Variants in MKS1 observed in about 807,000 individuals in gnomAD.
MKS1 encodes MKS transition zone complex subunit 1.
In MKS1, 70 loss-of-function variants were observed where a neutral mutation model predicts 83.7. That is an observed-to-expected ratio of 0.84 (90% CI 0.69 to 1.02). The LOEUF (loss-of-function observed/expected upper bound fraction) is 1.02. MKS1 is among the 50% of genes least tolerant of loss of function. MKS1 has a pLI of 0.00. For missense variants in MKS1, 681 were observed against 726.9 expected (o/e 0.94, Z 0.73); for synonymous variants, 251 against 273.4 (o/e 0.92, Z 0.81).
At chr17:58,212,558 G>C in intron 8 of MKS1, 124 bp from the exon 9 acceptor site, 1 of 1,013,674 alleles carries the variant, frequency 9.9e-7, no homozygotes, top group Admixed American at 1.9e-5. Context: ...GTAAGCACCT[G>C]ACTCACCGCC....
chr17:58,208,261 GA>G, intron 12 of MKS1, 87 bp from the exon 13 acceptor site: 1 of 1,282,074 alleles, frequency 7.8e-7, no homozygotes, highest in South Asian at 1.2e-5. Flanking sequence ...CTTCACAAGG[GA>G]AAAAGAAAAA....
At position 58,214,774 on chromosome 17, in the gene MKS1, T is replaced by A; in HGVS notation, c.482A>T (p.Asn161Ile). The A allele has an allele frequency of 6.2e-7, 1 of 1,607,350 alleles. No homozygotes were observed. Among genetic ancestry groups the A allele is most frequent in the South Asian group, 1.1e-5 (1 of 91,010 alleles). Residue 161 changes from asparagine to isoleucine, a missense_variant, in exon 5 of 18, where the codon AAT becomes ATT. Asn to Ile is a moderately radical substitution (Grantham distance 149). This residue lies in a region of MKS1 where 365 missense variants were observed against 383.8 expected (regional missense o/e 0.95). Transcript: ENST00000393119. The stretch of plus-strand genomic sequence containing the variant: ...CCTGTCCTGCCGGCGACGCCTGACA[T>A]TTGCCATTCGCTCGACCAAGAATGA... ...VPSFLVERMA[N>I]VRRRRQDRRG...
At chr17:58,210,461 G>A (rs1049894448) in intron 11 of MKS1, among the ~76,000 whole-genome samples, 198 bp downstream of exon 11, 14 of 152,150 alleles carry the variant, frequency 9.2e-5, no homozygotes, top group African/African-American at 3.4e-4. Flanking sequence ...AGCACAGTGG[G>A]CTCTGGAAAA....
chr17:58,210,311 C>T (rs941364133), intron 11 of MKS1, among the ~76,000 whole-genome samples: 3 of 152,002 alleles, frequency 2.0e-5, no homozygotes, highest in Non-Finnish European at 4.4e-5. Flanking sequence ...CAGAGAGTAA[C>T]AGAAGGCCTT....
chr17:58,213,023 G>C lies in MKS1; in HGVS notation c.817C>G (p.Gln273Glu), dbSNP rs1968968283. The C allele has an allele frequency of 1.2e-6, 2 of 1,614,170 alleles. No individual in the cohort carries two copies. Among genetic ancestry groups the C allele is most frequent in the Non-Finnish European group, 1.7e-6 (2 of 1,180,046 alleles). Residue 273 changes from glutamine to glutamate, a missense_variant, in exon 8 of 18, where the codon CAG becomes GAG. Coordinates refer to ENST00000393119, the MANE Select transcript of MKS1 (RefSeq NM_017777.4). ...CGTTCCCGCTCCTCCTCCTCCGGCT[G>C]TGCGTGGGGGGAAACATTGTCGATC... is the stretch of plus-strand genomic sequence containing the variant. ...YTIDNVSPHA[Q>E]PEEEERERRV...
Position 58,205,696 on chromosome 17 carries a change from G to A in MKS1, c.*383C>T, listed in dbSNP as rs1218945784. 7.6e-7 allele frequency: 1 copy of A among 1,321,018 alleles called. No homozygotes were observed. The highest frequency in any genetic ancestry group is 1.0e-6 in the Non-Finnish European group (1 of 1,000,484). The allele number at this position is 1,321,018 out of a possible 1,614,324, so 81.8% of individuals were successfully genotyped here. ...CTTCCTTCCTTCTTTGGTCTTGGAA[G>A]ATGAAAGGCTCCATTTTTAAAGGGT... On this transcript the variant is annotated 3_prime_UTR_variant, in exon 18 of 18. Transcript: ENST00000393119.
At chr17:58,208,226 T>C in intron 12 of MKS1, 52 bp from the exon 13 acceptor site, 1 of 1,474,646 alleles carries the variant, frequency 6.8e-7, no homozygotes, top group Non-Finnish European at 9.5e-7. Flanking sequence ...GAATCTGTTC[T>C]CCTTGTGGCC....
At chr17:58,216,292 C>A in intron 3 of MKS1, 49 bp from the exon 4 acceptor site, 1 of 1,584,752 alleles carries the variant, frequency 6.3e-7, no homozygotes, top group Non-Finnish European at 8.6e-7. Context: ...TATAATACAT[C>A]AAACTTTTGC....
In MKS1 at chr17:58,219,201, G is replaced by C. The variant is rs576239597; in HGVS notation, c.30C>G (p.Thr10=). 2.6e-6 allele frequency: 4 copies of C among 1,551,116 alleles called. No individual in the cohort carries two copies. Among genetic ancestry groups the C allele is most frequent in the Admixed American group, 3.9e-5 (2 of 51,016 alleles). The change falls in exon 1 of 18, where the codon ACC becomes ACG. Residue 10 remains threonine, a synonymous_variant. Coordinates refer to ENST00000393119, the MANE Select transcript of MKS1 (RefSeq NM_017777.4). MAETVWSTD[T]GEAVYRSRDP... ...CCCGGGAGCGATACACTGCCTCCCC[G>C]GTGTCAGTGCTCCAGACGGTCTCCG...
chr17:58,218,508 C>A (rs1969390809), intron 2 of MKS1, 112 bp downstream of exon 2: 1 of 531,692 alleles, frequency 1.9e-6, no homozygotes, highest in Non-Finnish European at 3.5e-6. Context: ...GGTTGCCGGG[C>A]AACTCTATAA....
intron 6 of MKS1, 101 bp from the exon 7 acceptor site, chr17:58,213,970 A>G (rs988372273): frequency 9.1e-7 from 1 of 1,098,668 alleles, no homozygotes; most frequent in African/African-American, 1.5e-5. Context: ...GGCTATAGGG[A>G]GAGCTGTCAT....
chr17:58,212,950 C>T, intron 8 of MKS1, 32 bp downstream of exon 8: 1 of 1,596,352 alleles, frequency 6.3e-7, no homozygotes, highest in Non-Finnish European at 8.6e-7. Flanking sequence ...TGAGGCTCAT[C>T]CCTTGGATAC....
intron 3 of MKS1, among the ~76,000 whole-genome samples, 177 bp downstream of exon 3, chr17:58,216,489 C>T (rs746048149): frequency 1.3e-5 from 2 of 152,236 alleles, no homozygotes; most frequent in South Asian, 2.1e-4. Context: ...AAGTTCCTCA[C>T]CCAGAATCAC....
rs1431579746 is a variant in MKS1 at position 58,214,789 on chromosome 17, A to T, written c.467T>A (p.Val156Asp). The T allele has an allele frequency of 6.2e-7, 1 of 1,607,096 alleles. No homozygotes were observed. The highest frequency in any genetic ancestry group is 8.5e-7 in the Non-Finnish European group (1 of 1,179,812). Residue 156 changes from valine (V) to aspartate (D), a missense_variant, in exon 5 of 18, where the codon GTC becomes GAC. Around this residue, in one of 3 missense-constraint regions of MKS1, gnomAD observed 365 missense variants for 383.8 expected, o/e 0.95. Transcript: ENST00000393119. ...TAASEVPSFL[V>D]ERMANVRRRR... ...ACGCCTGACATTTGCCATTCGCTCG[A>T]CCAAGAATGAAGGCACCTCGCTGGC...
chr17:58,207,864 G>A (rs374829511), intron 14 of MKS1, 30 bp downstream of exon 14: 9 of 1,576,568 alleles, frequency 5.7e-6, no homozygotes, highest in Non-Finnish European at 7.9e-6. Context: ...AGGGCATGTG[G>A]GCCACAGAAG....
At chr17:58,211,564 C>A (rs868406791) in intron 9 of MKS1, among the ~76,000 whole-genome samples, 3 of 152,012 alleles carry the variant, frequency 2.0e-5, no homozygotes, top group African/African-American at 7.3e-5. Context: ...CTGAACTAAA[C>A]CACTTTCTTT....
Position 58,206,528 on chromosome 17 carries a change from A to C in MKS1, c.1427T>G (p.Phe476Cys). The change falls in exon 16 of 18, where the codon TTT becomes TGT. Residue 476 changes from phenylalanine (F) to cysteine (C), a missense_variant. Phe to Cys is a radical substitution (Grantham distance 205). Coordinates refer to ENST00000393119, the MANE Select transcript of MKS1 (RefSeq NM_017777.4). ...GSFKGERLSR[F>C]GLRTETTGTV... is the part of the protein sequence containing the mutation. ...GCCTGTGGTCTCTGTGCGGAGTCCAAAGCGGCTCAGGCGTTCCCCCTGTGG... is the reference window on the plus strand; with the variant it reads ...GCCTGTGGTCTCTGTGCGGAGTCCACAGCGGCTCAGGCGTTCCCCCTGTGG... 6.2e-7 allele frequency: 1 copy of C among 1,613,458 alleles called. No individual in the cohort carries two copies. The highest frequency in any genetic ancestry group is 1.1e-5 in the South Asian group (1 of 91,080).
chr17:58,215,461 G>A (rs1292951107), intron 4 of MKS1: 4 of 163,054 alleles, frequency 2.5e-5, no homozygotes, highest in Non-Finnish European at 2.7e-5. Context: ...ATGAAAGCAC[G>A]TCAATCTTTC....
intron 14 of MKS1, chr17:58,207,535 T>C (rs1968595488): frequency 1.8e-6 from 1 of 542,374 alleles, no homozygotes; most frequent in Admixed American, 3.1e-5. Flanking sequence ...GAGAATTAAG[T>C]GAGAAGTATG....
Sources: allele counts gnomAD v4.1 joint callset (sites outside exome capture counted in the v4.1 genomes callset), GRCh38; gene constraint gnomAD v4.1.1; regional missense constraint gnomAD v4.1.1; transcripts MANE v1.5; gene names NCBI Gene and HGNC (gene_info 2026-07-23, HGNC 2026-07-21).